BRINP3: variants seen among roughly 807,000 people sequenced by gnomAD.
BRINP3 encodes BMP/retinoic acid inducible neural specific 3.
Under a neutral mutation model 71.0 loss-of-function variants are expected in BRINP3, and 19 were observed. The ratio of observed to expected loss-of-function variants is 0.27; its 90% confidence interval spans 0.19 to 0.39. BRINP3 has a LOEUF of 0.39. Among genes scored for constraint, BRINP3 ranks in the 10% least tolerant of loss-of-function variants. The pLI is 1.00. For synonymous variants in BRINP3, 380 were observed against 337.7 expected (o/e 1.13, Z -1.37); for missense variants, 959 against 940.8 (o/e 1.02, Z -0.25).
chr1:190,437,249 T>C (rs1340878406), intron 2 of BRINP3, among the ~76,000 whole-genome samples: 1 of 151,850 alleles, frequency 6.6e-6, no homozygotes, highest in Non-Finnish European at 1.5e-5. Context: ...GGACAATTTA[T>C]TTAACTTTTT....
At chr1:190,470,308 C>T (rs1677046725) in intron 1 of BRINP3, among the ~76,000 whole-genome samples, 1 of 150,822 alleles carries the variant, frequency 6.6e-6, no homozygotes, top group Non-Finnish European at 1.5e-5. Context: ...TGAAACACAC[C>T]ATTATGAGAG....
chr1:190,292,162 G>A (rs1663919129), intron 2 of BRINP3, among the ~76,000 whole-genome samples: 1 of 152,024 alleles, frequency 6.6e-6, no homozygotes, highest in Non-Finnish European at 1.5e-5. Context: ...GCCATGGGAG[G>A]GTTTGGAAAA....
At chr1:190,442,044 T>TG (rs1674858257) in intron 2 of BRINP3, among the ~76,000 whole-genome samples, 1 of 151,820 alleles carries the variant, frequency 6.6e-6, no homozygotes, top group African/African-American at 2.4e-5. Flanking sequence ...TTGTTTTATT[T>TG]GGGAAAAAAA....
intron 2 of BRINP3, among the ~76,000 whole-genome samples, chr1:190,438,457 A>G (rs1447144292): frequency 2.0e-5 from 3 of 147,078 alleles, no homozygotes; most frequent in Non-Finnish European, 4.6e-5. Context: ...TCAAAATTGC[A>G]TTTTCAAAAA....
intron 6 of BRINP3, among the ~76,000 whole-genome samples, chr1:190,197,977 C>T (rs1361456121): frequency 1.3e-5 from 2 of 152,246 alleles, no homozygotes; most frequent in African/African-American, 4.8e-5. Flanking sequence ...GACATCCAGG[C>T]ATTTCCATAC....
At chr1:190,183,014 T>C (rs1000753574) in intron 6 of BRINP3, among the ~76,000 whole-genome samples, 9 of 152,128 alleles carry the variant, frequency 5.9e-5, no homozygotes, top group Admixed American at 2.0e-4. Flanking sequence ...GGAAAACTCC[T>C]TAAGTTGCAG....
intron 2 of BRINP3, among the ~76,000 whole-genome samples, chr1:190,316,610 T>A (rs1265010173): frequency 1.3e-5 from 2 of 152,158 alleles, no homozygotes; most frequent in Non-Finnish European, 2.9e-5. Flanking sequence ...AAATGAGATT[T>A]ATAATTTTCA....
At chr1:190,452,843 C>A (rs1319601435) in intron 2 of BRINP3, among the ~76,000 whole-genome samples, 1 of 152,080 alleles carries the variant, frequency 6.6e-6, no homozygotes, top group Non-Finnish European at 1.5e-5. Context: ...GGTGGCAGAA[C>A]GAGACTCCGT....
At chr1:190,202,709 A>G (rs1244444531) in intron 6 of BRINP3, among the ~76,000 whole-genome samples, 1 of 152,058 alleles carries the variant, frequency 6.6e-6, no homozygotes, top group African/African-American at 2.4e-5. Flanking sequence ...GTTTTAAAAA[A>G]TGGGAGTTTG....
chr1:190,377,667 G>C (rs1670270843), intron 2 of BRINP3, among the ~76,000 whole-genome samples: 1 of 150,444 alleles, frequency 6.6e-6, no homozygotes, highest in African/African-American at 2.4e-5. Context: ...CAAAGTGTTA[G>C]AGCTAATAAA....
chr1:190,231,178 AC>A (rs1418699060), intron 5 of BRINP3, among the ~76,000 whole-genome samples: 1 of 151,810 alleles, frequency 6.6e-6, no homozygotes, highest in Admixed American at 6.6e-5. Flanking sequence ...ACTTAATAGG[AC>A]TTTTTTTGTC....
intron 7 of BRINP3, among the ~76,000 whole-genome samples, chr1:190,131,949 CAT>C (rs1654579355): frequency 6.6e-6 from 1 of 152,010 alleles, no homozygotes; most frequent in Non-Finnish European, 1.5e-5. Context: ...GATAAGAAAA[CAT>C]ATGCAAAATG....
chr1:190,199,263 G>A (rs147789859), intron 6 of BRINP3, among the ~76,000 whole-genome samples: 120 of 152,240 alleles, frequency 7.9e-4, no homozygotes, highest in African/African-American at 2.6e-3. Flanking sequence ...TAAGATTTGC[G>A]TAAGGACAGA....
At chr1:190,154,076 A>G (rs1656656031) in intron 7 of BRINP3, 1 of 963,496 alleles carries the variant, frequency 1.0e-6, no homozygotes, top group South Asian at 4.8e-5. Flanking sequence ...TTCAGTTATG[A>G]TTTTTAGTTC....
intron 1 of BRINP3, among the ~76,000 whole-genome samples, chr1:190,459,919 A>G (rs1676269912): frequency 6.6e-6 from 1 of 151,774 alleles, no homozygotes; most frequent in Non-Finnish European, 1.5e-5. Context: ...TTTCTACCAT[A>G]TTATCACTCT....
chr1:190,392,426 G>A (rs914044117), intron 2 of BRINP3, among the ~76,000 whole-genome samples: 3 of 151,456 alleles, frequency 2.0e-5, no homozygotes, highest in South Asian at 2.1e-4. Context: ...AAAACCCTGA[G>A]AGTAAGAAAA....
Position 190,354,727 on chromosome 1 carries a change from C to G in BRINP3, c.237-72977G>C, listed in dbSNP as rs548908588. Reference sequence around the variant, plus strand: ...AAATACACTGCAGATCTGGCCATTTCTCACTGTTTCCACTGCCACCGTCTC... The same window carrying G: ...AAATACACTGCAGATCTGGCCATTTGTCACTGTTTCCACTGCCACCGTCTC... On this transcript the variant is annotated intron_variant, in intron 2 of 7. Transcript: ENST00000367462. Among the ~76,000 whole-genome samples, 3 of 149,722 alleles carry G rather than the reference C, an allele frequency of 2.0e-5. 1 individual carries two copies. In the South Asian group the frequency reaches 6.3e-4, roughly 31 times the overall value.
chr1:190,308,536 A>G (rs952590757), intron 2 of BRINP3, among the ~76,000 whole-genome samples: 14 of 151,844 alleles, frequency 9.2e-5, no homozygotes, highest in Non-Finnish European at 1.9e-4. Flanking sequence ...TGATATACCT[A>G]ATGCTAAATG....
chr1:190,128,714 A>G (rs1220426929), intron 7 of BRINP3, among the ~76,000 whole-genome samples: 1 of 151,832 alleles, frequency 6.6e-6, no homozygotes, highest in African/African-American at 2.4e-5. Context: ...CACATAAAAG[A>G]TGAATTGCCT....
Sources: allele counts gnomAD v4.1 joint callset (sites outside exome capture counted in the v4.1 genomes callset), GRCh38; gene constraint gnomAD v4.1.1; transcripts MANE v1.5; gene names NCBI Gene and HGNC (gene_info 2026-07-23, HGNC 2026-07-21).